MGAT4C: variants seen among roughly 807,000 people sequenced by gnomAD.
The protein encoded by MGAT4C is MGAT4 family member C, also known as alpha-1,3-mannosyl-glycoprotein 4-beta-N-acetylglucosaminyltransferase C.
In MGAT4C, 19 loss-of-function variants were observed where a neutral mutation model predicts 40.1. The observed-to-expected ratio is 0.47, with a 90% confidence interval of 0.33 to 0.70. The LOEUF is 0.70. MGAT4C is among the 30% of genes least tolerant of loss of function. MGAT4C has a pLI of 0.02. For synonymous variants in MGAT4C, 181 were observed against 187.1 expected, an observed-to-expected ratio of 0.97 and a Z score of 0.27; for missense variants, 491 against 563.2, an observed-to-expected ratio of 0.87 and a Z score of 1.30.
At chr12:86,152,458 C>G (rs1884410083) in intron 1 of MGAT4C, among the ~76,000 whole-genome samples, 1 of 152,150 alleles carries the variant, frequency 6.6e-6, no homozygotes, top group African/African-American at 2.4e-5. Context: ...TAATTCCATC[C>G]CTGAGGATTC....
At chr12:86,186,413 G>A (rs139491490) in intron 1 of MGAT4C, among the ~76,000 whole-genome samples, 1 of 152,216 alleles carries the variant, frequency 6.6e-6, no homozygotes, top group East Asian at 1.9e-4. Flanking sequence ...TCAGAGAATT[G>A]TTGTGACCCT....
intron 1 of MGAT4C, among the ~76,000 whole-genome samples, chr12:86,745,938 G>C (rs1161280364): frequency 6.6e-6 from 1 of 151,652 alleles, no homozygotes; most frequent in African/African-American, 2.4e-5. Flanking sequence ...TTATACAGCT[G>C]TCTATCTCTA....
intron 1 of MGAT4C, among the ~76,000 whole-genome samples, chr12:86,209,432 T>G (rs1324589562): frequency 6.6e-6 from 1 of 152,168 alleles, no homozygotes; most frequent in South Asian, 2.1e-4. Context: ...AAGGAAAATA[T>G]GAATATAAAA....
At chr12:86,338,999 A>C (rs2136181522) in intron 3 of MGAT4C, among the ~76,000 whole-genome samples, 1 of 151,568 alleles carries the variant, frequency 6.6e-6, no homozygotes, top group Middle Eastern at 3.4e-3. Flanking sequence ...GAAAGAGAGA[A>C]AGAGCTAATA....
At chr12:86,702,208 ATT>A (rs34991687) in intron 2 of MGAT4C, among the ~76,000 whole-genome samples, 2 of 138,784 alleles carry the variant, frequency 1.4e-5, no homozygotes, top group African/African-American at 2.7e-5. Context: ...ACACCCAGCT[ATT>A]TTTTTTTTTT....
intron 2 of MGAT4C, among the ~76,000 whole-genome samples, chr12:86,542,680 A>C (rs1959174353): frequency 6.6e-6 from 1 of 152,216 alleles, no homozygotes; most frequent in Non-Finnish European, 1.5e-5. Flanking sequence ...AACTTAATAA[A>C]TATGCTAAAT....
rs180725236 is a variant in MGAT4C at position 86,654,863 on chromosome 12, T to C, written c.-229+72346A>G. On this transcript the variant is annotated intron_variant, in intron 2 of 7. Coordinates refer to the MGAT4C transcript ENST00000548651. ...GCGGGGGATAAACAGGAAGCATCTTTCAAGATCATCAATTACTAGAACTTT... is the reference window on the plus strand; with the variant it reads ...GCGGGGGATAAACAGGAAGCATCTTCCAAGATCATCAATTACTAGAACTTT... Among the ~76,000 whole-genome samples the C allele has an allele frequency of 1.0e-3, 153 of 152,090 alleles. 2 individuals carry two copies. The highest frequency in any genetic ancestry group is 3.5e-3 in the African/African-American group (145 of 41,528).
chr12:85,990,771 TTTC>T (rs1011476931), intron 2 of MGAT4C, among the ~76,000 whole-genome samples: 2 of 152,192 alleles, frequency 1.3e-5, no homozygotes, highest in Non-Finnish European at 2.9e-5. Context: ...TGATCATATT[TTTC>T]TTAAGGGTTA....
chr12:86,127,132 A>G (rs116552808), intron 1 of MGAT4C, among the ~76,000 whole-genome samples: 2,149 of 152,234 alleles, frequency 0.014, 38 homozygotes, highest in African/African-American at 0.048. Flanking sequence ...CAGGCCACTG[A>G]TGGGTACAGA....
At chr12:86,506,712 A>G (rs1276955884) in intron 2 of MGAT4C, among the ~76,000 whole-genome samples, 1 of 152,196 alleles carries the variant, frequency 6.6e-6, no homozygotes, top group Admixed American at 6.6e-5. Flanking sequence ...GGATCAAGAA[A>G]TGCAGAATTA....
chr12:86,584,917 A>C (rs1960946168), intron 2 of MGAT4C, among the ~76,000 whole-genome samples: 1 of 151,058 alleles, frequency 6.6e-6, no homozygotes, highest in African/African-American at 2.4e-5. Flanking sequence ...ATATGTTTTT[A>C]TGTAAAGCAG....
chr12:86,476,259 C>T (rs1219773047), intron 2 of MGAT4C, among the ~76,000 whole-genome samples: 1 of 151,822 alleles, frequency 6.6e-6, no homozygotes, highest in Non-Finnish European at 1.5e-5. Flanking sequence ...TACAAATAAC[C>T]CCATTAAAAA....
chr12:86,663,296 G>A (rs1964023207), intron 2 of MGAT4C, among the ~76,000 whole-genome samples: 1 of 144,750 alleles, frequency 6.9e-6, no homozygotes. Context: ...GGAGTTACAG[G>A]CTGCAGTGAG....
intron 3 of MGAT4C, among the ~76,000 whole-genome samples, chr12:86,406,156 A>G (rs886148362): frequency 1.3e-4 from 19 of 150,236 alleles, no homozygotes; most frequent in African/African-American, 3.9e-4. Context: ...GTAAAATATA[A>G]AGCATAAGTA....
At chr12:86,572,361 C>G (rs1428362765) in intron 2 of MGAT4C, among the ~76,000 whole-genome samples, 5 of 152,110 alleles carry the variant, frequency 3.3e-5, no homozygotes, top group African/African-American at 1.2e-4. Flanking sequence ...TGTACTCAAT[C>G]AGTCATACAA....
intron 2 of MGAT4C, among the ~76,000 whole-genome samples, chr12:86,585,735 A>ATTTTTTTTTTT (rs953725529): frequency 6.9e-6 from 1 of 144,386 alleles, no homozygotes; most frequent in Non-Finnish European, 1.5e-5. Context: ...ATTTTTTTTA[A>ATTTTTTTTTTT]TTTTTTTTTT....
At chr12:86,491,480 G>A (rs1430111396) in intron 2 of MGAT4C, among the ~76,000 whole-genome samples, 1 of 151,778 alleles carries the variant, frequency 6.6e-6, no homozygotes, top group Non-Finnish European at 1.5e-5. Context: ...GGGATGCAAG[G>A]CTGGTTCAAT....
At position 85,974,587 on chromosome 12, in the gene MGAT4C, C is replaced by T. The variant is rs1339821592; in HGVS notation, c.*4702G>A. ...TTGAGAGATTAACCATATGTAGATA[C>T]ACACATGCACATATGCAATAATGAA... is the stretch of plus-strand genomic sequence containing the variant. On this transcript the variant is annotated 3_prime_UTR_variant, in exon 5 of 5. Transcript: ENST00000611864. The T allele has an allele frequency of 6.7e-6, 1 of 150,338 alleles. No homozygotes were observed. The highest frequency in any genetic ancestry group is 1.9e-4 in the East Asian group (1 of 5,174). 9.3% of individuals were successfully genotyped at this position (150,338 alleles called of 1,614,324 possible).
chr12:86,272,783 G>A (rs1363617388), intron 4 of MGAT4C, among the ~76,000 whole-genome samples: 2 of 152,024 alleles, frequency 1.3e-5, no homozygotes, highest in South Asian at 2.1e-4. Context: ...AGCCTGGGAG[G>A]TCGAAGCTAC....
Sources: gnomAD v4.1 joint callset for allele counts (sites outside exome capture counted in the v4.1 genomes callset) on GRCh38, gnomAD v4.1.1 for gene constraint, MANE v1.5 for transcripts, NCBI Gene and HGNC (gene_info 2026-07-23, HGNC 2026-07-21) for gene names.